PSPH: variants seen among roughly 807,000 people sequenced by gnomAD.
PSPH encodes the protein L-3-phosphoserine phosphatase.
A neutral mutation model predicts 23.4 loss-of-function variants in PSPH; 16 were observed. The ratio of observed to expected loss-of-function variants is 0.68; its 90% CI spans 0.46 to 1.04. The LOEUF (loss-of-function observed/expected upper bound fraction) is 1.04. Among genes scored for constraint, PSPH ranks in the 50% least tolerant of loss-of-function variants. PSPH has a pLI of 0.00. For synonymous variants in PSPH, 68 were observed against 99.7 expected, an observed-to-expected ratio of 0.68 and a Z score of 1.89; for missense variants, 223 against 273.7, an observed-to-expected ratio of 0.81 and a Z score of 1.31.
intron 3 of PSPH, among the ~76,000 whole-genome samples, chr7:56,024,985 G>C (rs1014891068): frequency 6.6e-6 from 1 of 151,442 alleles, no homozygotes; most frequent in Non-Finnish European, 1.5e-5. Context: ...TGCATTTTTA[G>C]TAGAGATGGG....
At chr7:56,020,731 A>AC (rs1430897444) in intron 4 of PSPH, among the ~76,000 whole-genome samples, 1 of 150,802 alleles carries the variant, frequency 6.6e-6, no homozygotes, top group Admixed American at 6.6e-5. Flanking sequence ...AGGGGATCTG[A>AC]CCCAGGATCC....
At chr7:56,027,287 G>A (rs1423572396) in intron 3 of PSPH, among the ~76,000 whole-genome samples, 1 of 151,840 alleles carries the variant, frequency 6.6e-6, no homozygotes, top group Non-Finnish European at 1.5e-5. Context: ...GAGAATGACT[G>A]ATGGACACCA....
At chr7:56,049,424 G>A (rs1249238254) in intron 1 of PSPH, among the ~76,000 whole-genome samples, 1 of 151,904 alleles carries the variant, frequency 6.6e-6, no homozygotes, top group East Asian at 1.9e-4. Context: ...ACCTATTTAT[G>A]TATTTAATAT....
chr7:56,023,587 C>T (rs1190864057), intron 3 of PSPH, among the ~76,000 whole-genome samples: 1 of 151,864 alleles, frequency 6.6e-6, no homozygotes, highest in Non-Finnish European at 1.5e-5. Context: ...AATCTTTGGA[C>T]TAGAATTAGG....
intron 1 of PSPH, among the ~76,000 whole-genome samples, chr7:56,040,749 A>C (rs556199545): frequency 6.6e-6 from 1 of 152,162 alleles, no homozygotes; most frequent in South Asian, 2.1e-4. Context: ...CACAAGGCCT[A>C]CCAAAGTTAC....
intron 6 of PSPH, 123 bp downstream of exon 6, chr7:56,017,111 A>G: frequency 6.6e-7 from 1 of 1,510,570 alleles, no homozygotes; most frequent in Non-Finnish European, 9.0e-7. Context: ...ATCAATTAAG[A>G]GAACCATTCA....
At chr7:56,050,545 C>G (rs752293072) in intron 1 of PSPH, among the ~76,000 whole-genome samples, 1 of 152,144 alleles carries the variant, frequency 6.6e-6, no homozygotes, top group Admixed American at 6.5e-5. Context: ...GGATTACAGG[C>G]GTGAGCCACC....
chr7:56,028,048 C>CA (rs35662903), intron 3 of PSPH, among the ~76,000 whole-genome samples: 1,410 of 114,326 alleles, frequency 0.012, 11 homozygotes, highest in African/African-American at 0.033. Context: ...GACCCTGCCT[C>CA]AAAAAAAAAA....
chr7:56,019,134 C>T (rs1201735245), intron 5 of PSPH, among the ~76,000 whole-genome samples: 4 of 151,962 alleles, frequency 2.6e-5, no homozygotes, highest in South Asian at 2.1e-4. Context: ...CAGAATGAGA[C>T]GCTGACTCTA....
intron 1 of PSPH, among the ~76,000 whole-genome samples, chr7:56,047,954 C>T (rs893298022): frequency 2.0e-5 from 3 of 151,808 alleles, no homozygotes; most frequent in African/African-American, 7.3e-5. Flanking sequence ...TTGTGAGCCA[C>T]TGTGCCCGGC....
At position 56,021,079 on chromosome 7, in the gene PSPH, G is replaced by A; in HGVS notation, c.134C>T (p.Ser45Leu). The A allele has an allele frequency of 6.2e-7, 1 of 1,613,780 alleles. No homozygotes were observed. The highest frequency in any genetic ancestry group is 8.5e-7 in the Non-Finnish European group (1 of 1,179,992). The change falls in exon 4 of 8, where the codon TCA becomes TTA. Residue 45 changes from serine (S) to leucine (L), a missense_variant. Coordinates refer to ENST00000275605, the MANE Select transcript of PSPH (RefSeq NM_004577.4). ...GAATAAATGCTATCCCTACATTTCT[G>A]ACACCGCGTCCTCAACGCCACAGAT... ...AKICGVEDAVSEMTRRAMGGA... is the reference protein window; with the variant it reads ...AKICGVEDAVLEMTRRAMGGA...
At chr7:56,032,615 G>A (rs555055588) in intron 2 of PSPH, among the ~76,000 whole-genome samples, 20 of 148,170 alleles carry the variant, frequency 1.3e-4, no homozygotes, top group South Asian at 8.6e-4. Context: ...AGCTGAGATC[G>A]TGCCACTGCA....
chr7:56,038,779 G>T (rs112126471), intron 1 of PSPH, among the ~76,000 whole-genome samples: 28,544 of 151,654 alleles, frequency 0.19, 2,892 homozygotes, highest in African/African-American at 0.24. Context: ...CTGGGAGGTT[G>T]AGGCTGTGCT....
chr7:56,035,623 A>T (rs1361833431), intron 1 of PSPH, among the ~76,000 whole-genome samples: 2 of 149,890 alleles, frequency 1.3e-5, no homozygotes, highest in Non-Finnish European at 3.0e-5. Flanking sequence ...CCAAAACACA[A>T]TTTTTTTTTC....
intron 4 of PSPH, chr7:56,019,939 G>A (rs1378438732): frequency 2.9e-6 from 2 of 683,754 alleles, no homozygotes; most frequent in African/African-American, 3.5e-5. Flanking sequence ...TAACAGGCTG[G>A]GTGCAGTGAC....
At chr7:56,038,528 C>T (rs1420268976) in intron 1 of PSPH, among the ~76,000 whole-genome samples, 9 of 152,004 alleles carry the variant, frequency 5.9e-5, no homozygotes, top group Admixed American at 5.9e-4. Context: ...CTGAGGAAGA[C>T]ACTCAGGAGA....
intron 1 of PSPH, among the ~76,000 whole-genome samples, chr7:56,048,754 C>A (rs1270282347): frequency 1.6e-4 from 24 of 150,560 alleles, no homozygotes; most frequent in African/African-American, 5.9e-4. Flanking sequence ...ACCTCAGCCA[C>A]ACAAGTAGCT....
At chr7:56,038,835 C>A (rs1408923736) in intron 1 of PSPH, among the ~76,000 whole-genome samples, 2 of 151,358 alleles carry the variant, frequency 1.3e-5, no homozygotes, top group Admixed American at 6.6e-5. Context: ...AGTGAGACTC[C>A]GTCCCCCAAA....
chr7:56,029,104 C>G (rs965152007), intron 3 of PSPH, among the ~76,000 whole-genome samples: 8 of 152,088 alleles, frequency 5.3e-5, no homozygotes, highest in African/African-American at 1.7e-4. Flanking sequence ...TGTGAGCCAC[C>G]AAGCCTGGCC....
Sources: allele counts gnomAD v4.1 joint callset (sites outside exome capture counted in the v4.1 genomes callset), GRCh38; gene constraint gnomAD v4.1.1; transcripts MANE v1.5; gene names NCBI Gene and HGNC (gene_info 2026-07-23, HGNC 2026-07-21).